TRPC4: variants seen among roughly 807,000 people sequenced by gnomAD.
TRPC4 encodes short transient receptor potential channel 4.
TRPC4 carries 49 observed loss-of-function variants against 99.4 expected under a neutral mutation model. The observed-to-expected ratio is 0.49, with a 90% confidence interval of 0.39 to 0.63. The LOEUF (loss-of-function observed/expected upper bound fraction) is 0.63. Ranked by LOEUF, TRPC4 falls within the 20% of genes least tolerant of loss-of-function variation. The pLI is 0.00. For synonymous variants in TRPC4, 454 were observed against 425.9 expected (o/e 1.07, Z -0.81); for missense variants, 898 against 1,152.9 (o/e 0.78, Z 3.20).
intron 3 of TRPC4, among the ~76,000 whole-genome samples, chr13:37,707,577 A>G (rs925879229): frequency 2.0e-5 from 3 of 152,142 alleles, no homozygotes; most frequent in African/African-American, 7.2e-5. Context: ...TCTTATATAG[A>G]AAAAGTTCAG....
At chr13:37,716,485 T>A (rs1954671344) in intron 3 of TRPC4, among the ~76,000 whole-genome samples, 1 of 152,214 alleles carries the variant, frequency 6.6e-6, no homozygotes, top group Non-Finnish European at 1.5e-5. Flanking sequence ...AAGAGAGCAC[T>A]GGCTTTGAGT....
At position 37,663,579 on chromosome 13, in the gene TRPC4, G is replaced by A. The variant is rs747784523; in HGVS notation, c.1525C>T (p.Leu509=). Residue 509 remains leucine, a synonymous_variant, in exon 6 of 11, where the codon CTG becomes TTG. Transcript: ENST00000379705. The stretch of plus-strand genomic sequence containing the variant: ...AAAATGTCCAGGAGCATTCTTCCCA[G>A]AGATATTTGCAGAGGTCCCAGGTGA... ...NSHLGPLQIS[L]GRMLLDILKF... is the part of the protein sequence containing the mutation. 6.2e-7 allele frequency: 1 copy of A among 1,614,194 alleles called. No individual in the cohort carries two copies. The highest frequency in any genetic ancestry group is 1.1e-5 in the South Asian group (1 of 91,088).
intron 4 of TRPC4, among the ~76,000 whole-genome samples, chr13:37,690,735 T>G (rs1593520576): frequency 6.6e-6 from 1 of 152,238 alleles, no homozygotes; most frequent in East Asian, 1.9e-4. Context: ...CCTATTAACT[T>G]TTCTTATTGA....
intron 4 of TRPC4, among the ~76,000 whole-genome samples, chr13:37,680,397 A>G (rs181042360): frequency 6.6e-6 from 1 of 152,340 alleles, no homozygotes; most frequent in African/African-American, 2.4e-5. Flanking sequence ...CAGCTTTAGA[A>G]TCTTAGCTTA....
intron 2 of TRPC4, among the ~76,000 whole-genome samples, chr13:37,779,702 C>G (rs1326068453): frequency 6.6e-6 from 1 of 151,918 alleles, no homozygotes; most frequent in Non-Finnish European, 1.5e-5. Flanking sequence ...ATCCCAGACC[C>G]CATTCTTAAA....
At chr13:37,733,840 A>G (rs1384861505) in intron 3 of TRPC4, among the ~76,000 whole-genome samples, 1 of 152,210 alleles carries the variant, frequency 6.6e-6, no homozygotes. Flanking sequence ...GACAATAAAT[A>G]AACACACAAA....
intron 1 of TRPC4, among the ~76,000 whole-genome samples, chr13:37,822,440 T>G (rs553327038): frequency 2.7e-5 from 3 of 110,666 alleles, no homozygotes; most frequent in African/African-American, 1.1e-4. Context: ...CCCACAACAG[T>G]CCCCACAGTG....
At chr13:37,786,173 T>C (rs952243027) in intron 1 of TRPC4, among the ~76,000 whole-genome samples, 5 of 151,970 alleles carry the variant, frequency 3.3e-5, no homozygotes, top group Admixed American at 1.3e-4. Flanking sequence ...AATAAGTATA[T>C]AAGAATTTAT....
intron 1 of TRPC4, among the ~76,000 whole-genome samples, chr13:37,784,291 G>A (rs939791150): frequency 1.3e-5 from 2 of 151,838 alleles, no homozygotes; most frequent in African/African-American, 4.8e-5. Flanking sequence ...TAAACCACAA[G>A]GCAGGAATGT....
chr13:37,637,653 G>T (rs756881384), intron 10 of TRPC4, 28 bp from the exon 11 acceptor site: 45 of 1,539,592 alleles, frequency 2.9e-5, no homozygotes, highest in Non-Finnish European at 3.9e-5. Flanking sequence ...TGAAAAATTC[G>T]GTTATGACTT....
At chr13:37,681,016 T>C (rs1403741555) in intron 4 of TRPC4, among the ~76,000 whole-genome samples, 2 of 152,166 alleles carry the variant, frequency 1.3e-5, no homozygotes, top group Non-Finnish European at 2.9e-5. Context: ...GTCATCGAAA[T>C]AGCGAAATTC....
chr13:37,661,328 C>A (rs970931960), intron 6 of TRPC4, among the ~76,000 whole-genome samples: 3 of 151,988 alleles, frequency 2.0e-5, no homozygotes, highest in Non-Finnish European at 4.4e-5. Flanking sequence ...TACAAAGAAA[C>A]CAATATAGGG....
chr13:37,648,566 G>A (rs1951919547), intron 8 of TRPC4, among the ~76,000 whole-genome samples: 2 of 152,104 alleles, frequency 1.3e-5, no homozygotes, highest in South Asian at 2.1e-4. Flanking sequence ...AAAAGGAATG[G>A]TTTGAGATTC....
At chr13:37,827,857 G>A (rs1026651907) in intron 1 of TRPC4, among the ~76,000 whole-genome samples, 1 of 152,196 alleles carries the variant, frequency 6.6e-6, no homozygotes, top group African/African-American at 2.4e-5. Context: ...AATGGCGGGT[G>A]CCCCTCCCCT....
At chr13:37,768,239 C>T (rs185391728) in intron 2 of TRPC4, among the ~76,000 whole-genome samples, 9 of 151,520 alleles carry the variant, frequency 5.9e-5, no homozygotes, top group East Asian at 2.0e-4. Context: ...CTAAGGAATG[C>T]TACCAAAATA....
intron 4 of TRPC4, among the ~76,000 whole-genome samples, chr13:37,690,667 T>A (rs73186532): frequency 1.7e-4 from 26 of 152,352 alleles, no homozygotes; most frequent in Non-Finnish European, 3.7e-4. Context: ...ACCTACTCTA[T>A]TTTAAAGTTC....
Position 37,638,003 on chromosome 13 carries a change from C to T in TRPC4, c.2212-378G>A, listed in dbSNP as rs117761979. On this transcript the variant is annotated intron_variant, in intron 10 of 10. Transcript: ENST00000379705. ...TATTTTATAAGATTTTTAATATTGG[C>T]CCATTTTTCTGTCCAAAGGGATGTC... is the stretch of plus-strand genomic sequence containing the variant. Among the ~76,000 whole-genome samples the T allele has an allele frequency of 1.5e-3, 229 of 152,158 alleles. 2 individuals are homozygous for T. The highest frequency in any genetic ancestry group is 8.1e-3 in the East Asian group (42 of 5,178).
chr13:37,781,591 C>T (rs539413623), intron 2 of TRPC4, among the ~76,000 whole-genome samples: 23 of 152,034 alleles, frequency 1.5e-4, no homozygotes, highest in Non-Finnish European at 2.8e-4. Flanking sequence ...GGCTTGTTCA[C>T]GTTTGAAAGA....
Position 37,637,484 on chromosome 13 carries a change from C to A in TRPC4, c.2353G>T (p.Gly785Cys). Residue 785 changes from glycine to cysteine, a missense_variant, in exon 11 of 11, where the codon GGT (glycine) becomes TGT (cysteine). Gly to Cys is a radical substitution (Grantham distance 159). This residue lies in a region of TRPC4 where 346 missense variants were observed against 351.4 expected (regional missense o/e 0.98). Coordinates refer to ENST00000379705, the MANE Select transcript of TRPC4 (RefSeq NM_016179.4). ...ADSDEKSDSE[G>C]NSKDKKKNFS... ...TTCTTTTTCTTGTCCTTGCTATTACCTTCGCTATCACTCTTTTCATCTGAG... is the reference window on the plus strand; with the variant it reads ...TTCTTTTTCTTGTCCTTGCTATTACATTCGCTATCACTCTTTTCATCTGAG... The A allele has an allele frequency of 3.1e-6, 5 of 1,613,746 alleles. No homozygotes were observed. Among genetic ancestry groups the A allele is most frequent in the Non-Finnish European group, 4.2e-6 (5 of 1,179,794 alleles).
Sources: gnomAD v4.1 joint callset for allele counts (sites outside exome capture counted in the v4.1 genomes callset) on GRCh38, gnomAD v4.1.1 for gene constraint, gnomAD v4.1.1 regional missense constraint, MANE v1.5 for transcripts, NCBI Gene and HGNC (gene_info 2026-07-23, HGNC 2026-07-21) for gene names.